The following ANXA4 variants were observed in gnomAD, a reference collection of about 807,000 sequenced individuals.
ANXA4 encodes 35-beta calcimedin.
A neutral mutation model predicts 49.8 loss-of-function variants in ANXA4; 39 were observed. The ratio of observed to expected loss-of-function variants is 0.78; its 90% CI spans 0.61 to 1.02. The LOEUF (loss-of-function observed/expected upper bound fraction) is 1.02. ANXA4 is among the 50% of genes least tolerant of loss of function. The probability of loss-of-function intolerance (pLI) is 0.00; values close to 1 mark genes in which losing one functional copy is unlikely to be tolerated. For synonymous variants in ANXA4, 134 were observed against 152.5 expected, an observed-to-expected ratio of 0.88 and a Z score of 0.89; for missense variants, 360 against 410.1, an observed-to-expected ratio of 0.88 and a Z score of 1.05.
chr2:69,765,702 T>C (rs989080368), intron 1 of ANXA4, among the ~76,000 whole-genome samples: 5 of 152,200 alleles, frequency 3.3e-5, no homozygotes, highest in African/African-American at 9.7e-5. Context: ...TTGAGGCTTA[T>C]CTAAAACCCT....
upstream of ANXA4, among the ~76,000 whole-genome samples, chr2:69,737,769 G>A (rs576497903): frequency 6.6e-6 from 1 of 152,054 alleles, no homozygotes; most frequent in East Asian, 1.9e-4. Context: ...CAGCTTTTCT[G>A]TTTTATTTGA....
intron 2 of ANXA4, among the ~76,000 whole-genome samples, chr2:69,676,495 T>G (rs751621230): frequency 6.6e-6 from 1 of 152,250 alleles, no homozygotes; most frequent in Non-Finnish European, 1.5e-5. Flanking sequence ...GAATTTGCTT[T>G]TAAATTCATT....
At chr2:69,740,144 G>T (rs905207919), upstream of ANXA4, among the ~76,000 whole-genome samples, 2 of 152,156 alleles carry the variant, frequency 1.3e-5, no homozygotes, top group Admixed American at 6.5e-5. Context: ...TTTACGCGGG[G>T]TGCCAACGCA....
chr2:69,815,908 G>T, intron 8 of ANXA4, 193 bp from the exon 9 acceptor site: 1 of 567,356 alleles, frequency 1.8e-6, no homozygotes, highest in Non-Finnish European at 3.2e-6. Flanking sequence ...TCCCAGGGGG[G>T]TATGACAGGG....
chr2:69,729,597 A>G (rs1323911245), intron 3 of ANXA4, among the ~76,000 whole-genome samples: 1 of 152,222 alleles, frequency 6.6e-6, no homozygotes, highest in East Asian at 1.9e-4. Context: ...GCCGCCCCAC[A>G]ACAAAGAAAC....
chr2:69,740,120 C>T (rs1559127935), upstream of ANXA4, among the ~76,000 whole-genome samples: 1 of 152,192 alleles, frequency 6.6e-6, no homozygotes, highest in Non-Finnish European at 1.5e-5. Flanking sequence ...GATGCACCCA[C>T]CTAGTAAAGG....
chr2:69,650,650 T>TGC (rs1236399520), intron 1 of ANXA4, among the ~76,000 whole-genome samples: 3 of 152,050 alleles, frequency 2.0e-5, no homozygotes, highest in Non-Finnish European at 1.5e-5. Context: ...GACAGGGTGT[T>TGC]TCTATGTTGC....
intron 12 of ANXA4, among the ~76,000 whole-genome samples, chr2:69,823,910 A>G (rs1244279763): frequency 6.6e-6 from 1 of 152,126 alleles, no homozygotes; most frequent in Non-Finnish European, 1.5e-5. Context: ...GTCCCCACGA[A>G]TGACTAATAA....
intron 2 of ANXA4, among the ~76,000 whole-genome samples, chr2:69,664,088 T>A (rs912835012): frequency 2.0e-5 from 3 of 152,208 alleles, no homozygotes; most frequent in Admixed American, 6.5e-5. Context: ...AGAATGAGAA[T>A]GGCATCTGAT....
At chr2:69,695,680 C>A (rs149611112) in intron 2 of ANXA4, among the ~76,000 whole-genome samples, 66 of 152,250 alleles carry the variant, frequency 4.3e-4, no homozygotes, top group Middle Eastern at 3.4e-3. Flanking sequence ...AGATTAATCT[C>A]CAACCAAACA....
intron 12 of ANXA4, among the ~76,000 whole-genome samples, chr2:69,824,820 T>C (rs757149328): frequency 3.1e-4 from 47 of 152,004 alleles, no homozygotes; most frequent in Non-Finnish European, 6.6e-4. Context: ...CCAGCACTTT[T>C]TGGGAGGCCA....
chr2:69,742,277 C>G (rs1304891249), intron 1 of ANXA4, 102 bp downstream of exon 1: 2 of 152,106 alleles, frequency 1.3e-5, no homozygotes, highest in African/African-American at 4.8e-5. Flanking sequence ...CGCGCTGCAC[C>G]CCAGAGTGGG....
chr2:69,688,570 C>A (rs900529779), intron 2 of ANXA4, among the ~76,000 whole-genome samples: 4 of 152,134 alleles, frequency 2.6e-5, no homozygotes, highest in South Asian at 2.1e-4. Flanking sequence ...TATGGTTACG[C>A]TGAAGTACAG....
intron 1 of ANXA4, among the ~76,000 whole-genome samples, chr2:69,757,083 T>C (rs1232826622): frequency 6.0e-5 from 9 of 149,052 alleles, no homozygotes; most frequent in Non-Finnish European, 1.0e-4. Flanking sequence ...CGTGCCACCA[T>C]GCCCGGCTAA....
At chr2:69,702,438 G>C (rs1678360738) in intron 2 of ANXA4, among the ~76,000 whole-genome samples, 1 of 152,052 alleles carries the variant, frequency 6.6e-6, no homozygotes, top group South Asian at 2.1e-4. Context: ...AAATTATTTT[G>C]AGAGCCAGGC....
upstream of ANXA4, among the ~76,000 whole-genome samples, chr2:69,740,791 C>T (rs1305909504): frequency 2.8e-5 from 4 of 145,084 alleles, no homozygotes; most frequent in Admixed American, 2.9e-4. Flanking sequence ...GGGTGTTTAT[C>T]CCACCTCATC....
chr2:69,733,613 G>GAAA (rs765187064), intron 3 of ANXA4, among the ~76,000 whole-genome samples: 2 of 119,848 alleles, frequency 1.7e-5, no homozygotes, highest in African/African-American at 5.7e-5. Context: ...CCCTGTCTTA[G>GAAA]AAAAAAAAAA....
intron 2 of ANXA4, among the ~76,000 whole-genome samples, chr2:69,656,303 ATG>A (rs1676462559): frequency 1.8e-5 from 2 of 110,952 alleles, no homozygotes; most frequent in African/African-American, 7.4e-5. Flanking sequence ...ATGTATATAT[ATG>A]TATATATGTA....
intron 1 of ANXA4, among the ~76,000 whole-genome samples, chr2:69,766,890 C>T (rs1671513960): frequency 6.6e-6 from 1 of 152,200 alleles, no homozygotes; most frequent in Admixed American, 6.5e-5. Context: ...CTTTTCTACC[C>T]TAACAATCCA....
Sources: allele counts gnomAD v4.1 joint callset (sites outside exome capture counted in the v4.1 genomes callset), GRCh38; gene constraint gnomAD v4.1.1; transcripts MANE v1.5; gene names NCBI Gene and HGNC (gene_info 2026-07-23, HGNC 2026-07-21).